The following RAP2A variants were observed in gnomAD, a reference collection of about 807,000 sequenced individuals.
RAP2A encodes the protein ras-related protein Rap-2a.
In RAP2A, 5 loss-of-function variants were observed where a neutral mutation model predicts 15.1. That is an observed-to-expected ratio of 0.33 (90% CI 0.17 to 0.70). RAP2A has a LOEUF of 0.70. Among genes scored for constraint, RAP2A ranks in the 30% least tolerant of loss-of-function variants. The pLI is 0.68. For synonymous variants in RAP2A, 110 were observed against 99.7 expected (o/e 1.10, Z -0.62); for missense variants, 111 against 240.3 (o/e 0.46, Z 3.56).
chr13:97,464,593 A>G lies in RAP2A; in HGVS notation c.*151A>G, dbSNP rs2066762443. On this transcript the variant is annotated 3_prime_UTR_variant, in exon 2 of 2. Transcript: ENST00000245304. ...AGAATTGAGCAGTGATTGTCAGTTG[A>G]TATCTCTGAGTAACATTTGGGTTCA... is the stretch of plus-strand genomic sequence containing the variant. 1 of 734,696 alleles carries G rather than the reference A, an allele frequency of 1.4e-6. No homozygotes were observed. The highest frequency in any genetic ancestry group is 2.3e-6 in the Non-Finnish European group (1 of 443,468). 45.5% of individuals were successfully genotyped at this position (734,696 alleles called of 1,614,324 possible).
intron 1 of RAP2A, among the ~76,000 whole-genome samples, chr13:97,440,393 C>G (rs1410687986): frequency 6.6e-6 from 1 of 152,102 alleles, no homozygotes; most frequent in Non-Finnish European, 1.5e-5. Flanking sequence ...GGTGAAACCT[C>G]TATCCACTTA....
chr13:97,441,799 T>C (rs917034353), intron 1 of RAP2A: 4 of 446,452 alleles, frequency 9.0e-6, no homozygotes, highest in Admixed American at 7.3e-5. Context: ...TTAAGTACTC[T>C]AAGTTTTTTT....
At position 97,467,240 on chromosome 13, in the gene RAP2A, T is replaced by C. The variant is rs1402915161; in HGVS notation, c.*2798T>C. Reference sequence around the variant, plus strand: ...TTCTTTTAAACTGTGATAGTGATGGTAACTGATGCCTTTCATTTTGTTCAA... The same window carrying C: ...TTCTTTTAAACTGTGATAGTGATGGCAACTGATGCCTTTCATTTTGTTCAA... On this transcript the variant is annotated 3_prime_UTR_variant, in exon 2 of 2. Transcript: ENST00000245304. 6.6e-6 allele frequency: 1 copy of C among 152,606 alleles called. No individual in the cohort carries two copies. The highest frequency in any genetic ancestry group is 1.5e-5 in the Non-Finnish European group (1 of 68,034). 9.5% of individuals were successfully genotyped at this position (152,606 alleles called of 1,614,324 possible). A position where few individuals can be genotyped will look rare whatever the true frequency, so the allele number is the denominator to read the frequency against.
At chr13:97,446,354 A>G (rs2066679615) in intron 1 of RAP2A, among the ~76,000 whole-genome samples, 1 of 152,042 alleles carries the variant, frequency 6.6e-6, no homozygotes, top group Non-Finnish European at 1.5e-5. Flanking sequence ...TCTTTCTTTG[A>G]CCTGGCCAGC....
intron 1 of RAP2A, among the ~76,000 whole-genome samples, chr13:97,445,384 ACATACATG>A (rs2066675290): frequency 6.6e-6 from 1 of 152,232 alleles, no homozygotes; most frequent in Admixed American, 6.5e-5. Flanking sequence ...CCACATACAT[ACATACATG>A]CATACATACA....
chr13:97,452,491 C>T (rs2066705786), intron 1 of RAP2A, among the ~76,000 whole-genome samples: 1 of 151,280 alleles, frequency 6.6e-6, no homozygotes, highest in Non-Finnish European at 1.5e-5. Flanking sequence ...CTTCTTATGC[C>T]TAAACCACAA....
chr13:97,457,204 G>T (rs750585833), intron 1 of RAP2A, among the ~76,000 whole-genome samples: 2 of 151,500 alleles, frequency 1.3e-5, no homozygotes, highest in Non-Finnish European at 2.9e-5. Flanking sequence ...GATTTTTCTG[G>T]CTCAAAAGGT....
chr13:97,444,392 A>G (rs900380915), intron 1 of RAP2A, among the ~76,000 whole-genome samples: 7 of 152,174 alleles, frequency 4.6e-5, no homozygotes, highest in African/African-American at 1.7e-4. Flanking sequence ...ATGACAGTAG[A>G]CCTCTTTATG....
chr13:97,440,007 C>G (rs2066650418), intron 1 of RAP2A, among the ~76,000 whole-genome samples: 1 of 152,094 alleles, frequency 6.6e-6, no homozygotes, highest in African/African-American at 2.4e-5. Flanking sequence ...TTAAAGCCTA[C>G]TCTAAAACAG....
intron 1 of RAP2A, among the ~76,000 whole-genome samples, chr13:97,439,959 CTGAT>C (rs1389170028): frequency 6.6e-6 from 1 of 151,978 alleles, no homozygotes; most frequent in Non-Finnish European, 1.5e-5. Context: ...AGTGAGCTGG[CTGAT>C]TGTTTACACT....
chr13:97,440,744 A>G (rs778883314), intron 1 of RAP2A, among the ~76,000 whole-genome samples: 37 of 152,190 alleles, frequency 2.4e-4, no homozygotes, highest in Non-Finnish European at 4.1e-4. Flanking sequence ...TGAAATCACC[A>G]CAATCAATGC....
chr13:97,434,308 TGCCGCC>T lies in RAP2A; in HGVS notation c.-152_-147del, dbSNP rs1162266985. ...TGCCCAGGGCCGCTGCTCCCTCAGTTGCCGCCGCCGCCGCCGGCGCCCAGGGGGCCG... is the reference window on the plus strand; with the variant it reads ...TGCCCAGGGCCGCTGCTCCCTCAGTTGCCGCCGCCGGCGCCCAGGGGGCCG... On this transcript the variant is annotated 5_prime_UTR_variant, in exon 1 of 2. Transcript: ENST00000245304. 5 of 298,500 alleles carry T rather than the reference TGCCGCC, an allele frequency of 1.7e-5. No homozygotes were observed. Among genetic ancestry groups the T allele is most frequent in the Non-Finnish European group, 2.4e-5 (5 of 212,494 alleles). 18.5% of individuals were successfully genotyped at this position (298,500 alleles called of 1,614,324 possible).
In RAP2A at chr13:97,440,129, CT is replaced by C. The variant is rs77927404; in HGVS notation, c.314+5346del. ...TGTCTGTCCCAAGTAAGTGAAACTT[CT>C]GGAGCTCTGCTACCGTTTTTCCCTC... On this transcript the variant is annotated intron_variant, in intron 1 of 1. Transcript: ENST00000245304. 0.017 allele frequency among the ~76,000 whole-genome samples: 2,588 copies of C among 152,252 alleles called. 153 individuals are homozygous for C. In the East Asian group the frequency reaches 0.2, roughly 12 times the overall value.
At chr13:97,441,749 A>T in intron 1 of RAP2A, 1 of 446,674 alleles carries the variant, frequency 2.2e-6, no homozygotes, top group Non-Finnish European at 4.5e-6. Flanking sequence ...CTGTTTTTTT[A>T]CACACTTATA....
At chr13:97,458,114 T>C (rs1243498355) in intron 1 of RAP2A, among the ~76,000 whole-genome samples, 1 of 151,644 alleles carries the variant, frequency 6.6e-6, no homozygotes, top group African/African-American at 2.4e-5. Flanking sequence ...CAAAGCCATT[T>C]GGTAAGTTTA....
chr13:97,435,440 T>C (rs1010350257), intron 1 of RAP2A, among the ~76,000 whole-genome samples: 4 of 139,768 alleles, frequency 2.9e-5, no homozygotes, highest in Non-Finnish European at 6.2e-5. Context: ...TTTTTTGTTT[T>C]TAATATAGCC....
intron 1 of RAP2A, among the ~76,000 whole-genome samples, chr13:97,462,146 C>T (rs1306646926): frequency 1.3e-5 from 2 of 148,986 alleles, no homozygotes; most frequent in East Asian, 3.9e-4. Context: ...GATCTTATCA[C>T]TTTTTATTAT....
intron 1 of RAP2A, among the ~76,000 whole-genome samples, chr13:97,439,110 T>C (rs191814834): frequency 6.6e-6 from 1 of 152,280 alleles, no homozygotes; most frequent in East Asian, 1.9e-4. Context: ...ATATGTTTTT[T>C]GGATGTTAAA....
chr13:97,456,887 G>A (rs1386119205), intron 1 of RAP2A, among the ~76,000 whole-genome samples: 1 of 152,112 alleles, frequency 6.6e-6, no homozygotes. Flanking sequence ...AGTCAGGTTG[G>A]AGGAAGAGGG....
Sources: allele counts gnomAD v4.1 joint callset (sites outside exome capture counted in the v4.1 genomes callset), GRCh38; gene constraint gnomAD v4.1.1; transcripts MANE v1.5; gene names NCBI Gene and HGNC (gene_info 2026-07-23, HGNC 2026-07-21).